The following HABP2 variants were observed in gnomAD, a reference collection of about 807,000 sequenced individuals.
HABP2 encodes the protein factor VII-activating protease.
HABP2 carries 65 observed loss-of-function variants against 66.5 expected under a neutral mutation model. The ratio of observed to expected loss-of-function variants is 0.98; its 90% CI spans 0.80 to 1.20. The LOEUF (loss-of-function observed/expected upper bound fraction) is 1.20, where lower values mean the gene tolerates loss of function less well. HABP2 is among the 50% of genes most tolerant of loss of function. The pLI, the probability that HABP2 is intolerant of heterozygous loss-of-function variation, is 0.00. For missense variants in HABP2, 786 were observed against 691.0 expected (o/e 1.14, Z -1.54); for synonymous variants, 263 against 253.9 (o/e 1.04, Z -0.34).
rs537366529 is a variant in HABP2 at position 113,555,725 on chromosome 10, C to T, written c.69+2535C>T. ...TTTCCTAACATATCATTTTTGAGCA[C>T]CTGTCCAGCACAACCTCATATCATT... On this transcript the variant is annotated intron_variant, in intron 1 of 12. Transcript: ENST00000351270. Among the ~76,000 whole-genome samples, 67 of 152,266 alleles carry T rather than the reference C, an allele frequency of 4.4e-4. 1 individual carries two copies. The highest frequency in any genetic ancestry group is 1.6e-3 in the African/African-American group (66 of 41,542).
At chr10:113,558,132 C>G (rs954284318) in intron 1 of HABP2, among the ~76,000 whole-genome samples, 1 of 152,208 alleles carries the variant, frequency 6.6e-6, no homozygotes. Flanking sequence ...AAAGTCGCTC[C>G]CATCTGGACG....
At chr10:113,566,863 T>C (rs1415422736) in intron 1 of HABP2, among the ~76,000 whole-genome samples, 2 of 152,078 alleles carry the variant, frequency 1.3e-5, no homozygotes, top group African/African-American at 4.8e-5. Flanking sequence ...GGCTGAAGCT[T>C]AGTAAAGGGG....
chr10:113,572,370 A>G (rs1461614466), intron 2 of HABP2, among the ~76,000 whole-genome samples: 2 of 152,252 alleles, frequency 1.3e-5, no homozygotes, highest in Non-Finnish European at 2.9e-5. Flanking sequence ...AAATATCTGC[A>G]AAAGAAGTAA....
intron 7 of HABP2, among the ~76,000 whole-genome samples, chr10:113,580,076 G>A (rs554816968): frequency 2.0e-5 from 3 of 151,558 alleles, no homozygotes; most frequent in South Asian, 4.2e-4. Context: ...CACTGCACCC[G>A]GCCATGAAGA....
chr10:113,588,456 C>A lies in HABP2; in HGVS notation c.*87C>A, dbSNP rs1284867767. 9 of 987,838 alleles carry A rather than the reference C, an allele frequency of 9.1e-6. No individual in the cohort carries two copies. In the East Asian group the frequency reaches 2.2e-4, roughly 25 times the overall value. The allele number at this position is 987,838 out of a possible 1,614,324, so 61.2% of individuals were successfully genotyped here. A position where few individuals can be genotyped will look rare whatever the true frequency, so the allele number is the denominator to read the frequency against. On this transcript the variant is annotated 3_prime_UTR_variant, in exon 13 of 13. Transcript: ENST00000351270. ...TGGCCAACAATGGACACCTCCAGAG[C>A]CTCCAGGGGACCACACAGTAGACTA...
intron 1 of HABP2, among the ~76,000 whole-genome samples, chr10:113,554,833 A>T (rs901152623): frequency 1.3e-5 from 2 of 152,272 alleles, no homozygotes; most frequent in African/African-American, 4.8e-5. Context: ...TTATAAGTCA[A>T]TAATGGATAA....
intron 10 of HABP2, 29 bp from the exon 11 acceptor site, chr10:113,584,119 A>G: frequency 6.2e-7 from 1 of 1,608,596 alleles, no homozygotes; most frequent in Non-Finnish European, 8.5e-7. Flanking sequence ...GTGACATCGC[A>G]TCCATTTTCT....
chr10:113,554,465 C>T (rs1844954949), intron 1 of HABP2, among the ~76,000 whole-genome samples: 2 of 152,182 alleles, frequency 1.3e-5, no homozygotes, highest in South Asian at 4.2e-4. Flanking sequence ...CCTATCTTAG[C>T]TCTGTATTAA....
In HABP2 at chr10:113,586,477, G is replaced by GTGT. The variant is rs1564682175; in HGVS notation, c.1518+539_1518+540insTGT. Among the ~76,000 whole-genome samples the GTGT allele has an allele frequency of 3.6e-3, 287 of 78,790 alleles. 2 individuals carry two copies. Among genetic ancestry groups the GTGT allele is most frequent in the African/African-American group, 4.6e-3 (116 of 25,220 alleles). 51.7% of individuals were successfully genotyped at this position (78,790 alleles called of 152,430 possible). A position where few individuals can be genotyped will look rare whatever the true frequency, so the allele number is the denominator to read the frequency against. On this transcript the variant is annotated intron_variant, in intron 12 of 12. Transcript: ENST00000351270. ...TCATGTGTGCGTGTGTGTGTGTGTGGGGGGGGGGGGGGTGTTTTAGCCCTA... is the reference window on the plus strand; with the variant it reads ...TCATGTGTGCGTGTGTGTGTGTGTGGTGTGGGGGGGGGGGGTGTTTTAGCCCTA...
chr10:113,563,728 C>T (rs184386853), intron 1 of HABP2, among the ~76,000 whole-genome samples: 27 of 152,338 alleles, frequency 1.8e-4, no homozygotes, highest in African/African-American at 6.5e-4. Context: ...GGTGCAGGTC[C>T]TGGAGGGCCC....
chr10:113,578,615 G>C lies in HABP2; in HGVS notation c.569-12G>C, dbSNP rs1235587965. 6.2e-7 allele frequency: 1 copy of C among 1,600,696 alleles called. No homozygotes were observed. The highest frequency in any genetic ancestry group is 8.5e-7 in the Non-Finnish European group (1 of 1,170,768). On this transcript the variant is annotated splice_polypyrimidine_tract_variant and intron_variant, in intron 6 of 12. Coordinates refer to ENST00000351270, the MANE Select transcript of HABP2 (RefSeq NM_004132.5). ...GCTGTTGGTTCTCACATTGCTACCT[G>C]CTCTCTCGGAGGTTCTGATGACTGC...
In HABP2 at chr10:113,555,689, C is replaced by T. The variant is rs138462741; in HGVS notation, c.69+2499C>T. On this transcript the variant is annotated intron_variant, in intron 1 of 12. Coordinates refer to ENST00000351270, the MANE Select transcript of HABP2 (RefSeq NM_004132.5). ...ATTCATTGTGCCTTGCTGTTCTACTCGAGGTTTGGTTTTCCTAACATATCA... is the reference window on the plus strand; with the variant it reads ...ATTCATTGTGCCTTGCTGTTCTACTTGAGGTTTGGTTTTCCTAACATATCA... Among the ~76,000 whole-genome samples, 448 of 152,248 alleles carry T rather than the reference C, an allele frequency of 2.9e-3. 1 individual carries two copies. The highest frequency in any genetic ancestry group is 0.01 in the African/African-American group (432 of 41,514).
intron 1 of HABP2, among the ~76,000 whole-genome samples, chr10:113,559,159 C>T (rs1845055846): frequency 6.6e-6 from 1 of 152,190 alleles, no homozygotes; most frequent in Non-Finnish European, 1.5e-5. Context: ...CCAGCCTTCG[C>T]TTGCCTTTTA....
intron 1 of HABP2, among the ~76,000 whole-genome samples, chr10:113,556,974 C>T (rs1845008735): frequency 6.6e-6 from 1 of 152,042 alleles, no homozygotes; most frequent in Admixed American, 6.6e-5. Flanking sequence ...TTCCTCTTGA[C>T]CAATGTGCAT....
At chr10:113,566,419 A>G (rs180725168) in intron 1 of HABP2, among the ~76,000 whole-genome samples, 328 of 152,394 alleles carry the variant, frequency 2.2e-3, no homozygotes, top group African/African-American at 7.6e-3. Flanking sequence ...TTAAATGAGT[A>G]ATACTTTCTT....
intron 9 of HABP2, 97 bp downstream of exon 9, chr10:113,582,228 TA>T: frequency 8.0e-7 from 1 of 1,247,220 alleles, no homozygotes; most frequent in Non-Finnish European, 1.1e-6. Flanking sequence ...CTGTCAGGAT[TA>T]GGGGGTCTGA....
intron 1 of HABP2, among the ~76,000 whole-genome samples, chr10:113,566,929 T>G (rs759967309): frequency 8.5e-5 from 13 of 152,060 alleles, no homozygotes; most frequent in Non-Finnish European, 1.6e-4. Context: ...GTGTTTGCAT[T>G]TTATTCTAAG....
At chr10:113,563,875 G>C (rs1269108119) in intron 1 of HABP2, among the ~76,000 whole-genome samples, 2 of 152,180 alleles carry the variant, frequency 1.3e-5, no homozygotes, top group Non-Finnish European at 2.9e-5. Flanking sequence ...GGTCTAGACA[G>C]ACAGGCCCTG....
At position 113,582,060 on chromosome 10, in the gene HABP2, G is replaced by A; in HGVS notation, c.1023G>A (p.Met341Ile). ...CCTCGCTGCCTCTGACCATCTCCAT[G>A]CCCCAGGGCCACTTCTGTGGTGGGG... ...LQSSLPLTIS[M>I]PQGHFCGGAL... Residue 341 changes from methionine (M) to isoleucine (I), a missense_variant, in exon 9 of 13, where the codon ATG becomes ATA. By Grantham distance (10) the Met-to-Ile change is conservative (BLOSUM62 1). Coordinates refer to ENST00000351270, the MANE Select transcript of HABP2 (RefSeq NM_004132.5). 1 of 1,613,464 alleles carries A rather than the reference G, an allele frequency of 6.2e-7. No homozygotes were observed. Among genetic ancestry groups the A allele is most frequent in the Non-Finnish European group, 8.5e-7 (1 of 1,179,984 alleles).
Sources: allele counts gnomAD v4.1 joint callset (sites outside exome capture counted in the v4.1 genomes callset), GRCh38; gene constraint gnomAD v4.1.1; transcripts MANE v1.5; gene names NCBI Gene and HGNC (gene_info 2026-07-23, HGNC 2026-07-21).